Variants in MFSD11 observed in about 807,000 individuals in gnomAD.
MFSD11 encodes UNC93-like protein MFSD11.
Under a neutral mutation model 53.5 loss-of-function variants are expected in MFSD11, and 36 were observed. That is an observed-to-expected ratio of 0.67 (90% CI 0.52 to 0.89). The LOEUF (loss-of-function observed/expected upper bound fraction) is 0.89, where lower values mean the gene tolerates loss of function less well. MFSD11 is among the 40% of genes least tolerant of loss of function. The pLI, the probability that MFSD11 is intolerant of heterozygous loss-of-function variation, is 0.00. For synonymous variants in MFSD11, 186 were observed against 184.9 expected (o/e 1.01, Z -0.05); for missense variants, 530 against 543.9 (o/e 0.97, Z 0.25).
At chr17:76,739,139 A>G in intron 2 of MFSD11, 146 bp downstream of exon 2, 1 of 648,962 alleles carries the variant, frequency 1.5e-6, no homozygotes, top group South Asian at 1.9e-5. Flanking sequence ...AACATAATAG[A>G]ATAAAGCTGA....
chr17:76,741,101 A>G (rs367790758), intron 3 of MFSD11, 37 bp downstream of exon 3: 9 of 1,184,910 alleles, frequency 7.6e-6, no homozygotes, highest in Non-Finnish European at 1.1e-5. Flanking sequence ...TAATCAGAAC[A>G]CTTGTCAGGA....
chr17:76,773,588 G>A (rs539745141), intron 10 of MFSD11, among the ~76,000 whole-genome samples: 23 of 151,950 alleles, frequency 1.5e-4, no homozygotes, highest in Non-Finnish European at 2.9e-4. Flanking sequence ...GTTTTGTTTT[G>A]TTTTTACTGT....
the MFSD11 span, among the ~76,000 whole-genome samples, chr17:76,788,517 C>T: frequency 2.7e-5 from 4 of 148,970 alleles, no homozygotes; most frequent in East Asian, 8.0e-4. Flanking sequence ...AGGTGCCTGC[C>T]ACCACGCCCG....
Position 76,743,469 on chromosome 17 carries a change from C to A in MFSD11, c.496+13C>A. 1 of 1,539,976 alleles carries A rather than the reference C, an allele frequency of 6.5e-7. No homozygotes were observed. The highest frequency in any genetic ancestry group is 8.8e-7 in the Non-Finnish European group (1 of 1,136,952). ...ACTCAGATATCAGGTTTGTTTTATT[C>A]GCGTTGCTTTATTCAGATATGTTCA... On this transcript the variant is annotated intron_variant, in intron 6 of 12. Coordinates refer to ENST00000685175, the MANE Select transcript of MFSD11 (RefSeq NM_001242532.5).
At position 76,741,980 on chromosome 17, in the gene MFSD11, C is replaced by G; in HGVS notation, c.272C>G (p.Ala91Gly). 3.1e-6 allele frequency: 5 copies of G among 1,614,072 alleles called. No homozygotes were observed. The highest frequency in any genetic ancestry group is 4.2e-6 in the Non-Finnish European group (5 of 1,179,990). ...CTGTTATATTTTAGCATGTACATTGCCGTTTTCATCCAGCCTTTCCCGTGG... is the reference window on the plus strand; with the variant it reads ...CTGTTATATTTTAGCATGTACATTGGCGTTTTCATCCAGCCTTTCCCGTGG... ...ASGLFYSMYI[A>G]VFIQPFPWSF... The change falls in exon 4 of 13, where the codon GCC becomes GGC. Residue 91 changes from alanine to glycine, a missense_variant. Transcript: ENST00000685175.
intron 8 of MFSD11, among the ~76,000 whole-genome samples, chr17:76,760,206 G>A (rs990042895): frequency 1.3e-5 from 2 of 151,282 alleles, no homozygotes; most frequent in Non-Finnish European, 2.9e-5. Flanking sequence ...GGTGGGGGTG[G>A]TGGCGGGGCA....
At chr17:76,739,042 T>A in intron 2 of MFSD11, 49 bp downstream of exon 2, 1 of 1,407,484 alleles carries the variant, frequency 7.1e-7, no homozygotes, top group Non-Finnish European at 1.0e-6. Context: ...AGTAGTTGCT[T>A]AAATCTCATC....
At chr17:76,747,877 C>T (rs1039239024) in intron 7 of MFSD11, 1 of 152,196 alleles carries the variant, frequency 6.6e-6, no homozygotes, top group African/African-American at 2.4e-5. Context: ...GTAGCATTCT[C>T]TCTTCCTGAA....
At chr17:76,782,349 A>G (rs2082185072), downstream of MFSD11, among the ~76,000 whole-genome samples, 1 of 148,762 alleles carries the variant, frequency 6.7e-6, no homozygotes, top group East Asian at 2.0e-4. Context: ...CTAATTTTGT[A>G]TTTATAATAG....
chr17:76,769,738 A>G lies in MFSD11; in HGVS notation c.749-8A>G, dbSNP rs755352801. On this transcript the variant is annotated splice_polypyrimidine_tract_variant and splice_region_variant and intron_variant, in intron 9 of 12. Coordinates refer to ENST00000685175, the MANE Select transcript of MFSD11 (RefSeq NM_001242532.5). ...TAAATGACATCTGTTTTTTTTCTTTAACTAAAGGTCTGGAATTAACTTTCT... is the reference window on the plus strand; with the variant it reads ...TAAATGACATCTGTTTTTTTTCTTTGACTAAAGGTCTGGAATTAACTTTCT... The G allele has an allele frequency of 1.3e-6, 2 of 1,578,936 alleles. No individual in the cohort carries two copies. The highest frequency in any genetic ancestry group is 1.7e-6 in the Non-Finnish European group (2 of 1,166,632).
chr17:76,741,189 T>C (rs541094525), intron 3 of MFSD11, 125 bp downstream of exon 3: 27 of 671,860 alleles, frequency 4.0e-5, no homozygotes, highest in Non-Finnish European at 3.9e-5. Context: ...TTTACGAATT[T>C]TGGCTCAGTA....
Position 76,754,075 on chromosome 17 carries a change from G to T in MFSD11, c.670G>T (p.Val224Leu), listed in dbSNP as rs368030502. 5.0e-6 allele frequency: 8 copies of T among 1,613,070 alleles called. No individual in the cohort carries two copies. The South Asian group carries it at 8.8e-5, about 18-fold the overall frequency. Residue 224 changes from valine (V) to leucine (L), a missense_variant, in exon 8 of 13, where the codon GTA becomes TTA. Val to Leu is a conservative substitution (Grantham distance 32). Coordinates refer to ENST00000685175, the MANE Select transcript of MFSD11 (RefSeq NM_001242532.5). ...TGCCCAGAACAATCTGACAAAGGCA[G>T]TAGATGCTTTTAGTAAGTATTTTCT... ...ESAQNNLTKA[V>L]DAFKKSFKLC... is the part of the protein sequence containing the mutation.
intron 10 of MFSD11, among the ~76,000 whole-genome samples, chr17:76,771,656 AG>A (rs1283502574): frequency 7.2e-5 from 11 of 152,246 alleles, no homozygotes; most frequent in African/African-American, 2.7e-4. Flanking sequence ...GAGCAGGACA[AG>A]GTCTATATTG....
chr17:76,797,339 C>A, the MFSD11 span, among the ~76,000 whole-genome samples: 1 of 152,052 alleles, frequency 6.6e-6, no homozygotes, highest in Non-Finnish European at 1.5e-5. Flanking sequence ...AGCGAGCAAG[C>A]CCCAGAACTG....
At chr17:76,793,418 C>T in the MFSD11 span, among the ~76,000 whole-genome samples, 4 of 151,432 alleles carry the variant, frequency 2.6e-5, no homozygotes, top group African/African-American at 7.4e-5. Context: ...CTGTTCCGCC[C>T]GGCTCACCAG....
chr17:76,739,148 G>A (rs1240333813), intron 2 of MFSD11, among the ~76,000 whole-genome samples, 155 bp downstream of exon 2: 1 of 152,230 alleles, frequency 6.6e-6, no homozygotes, highest in African/African-American at 2.4e-5. Flanking sequence ...GAATAAAGCT[G>A]ATGAGTTTAG....
At chr17:76,777,600 CTTGTA>C (rs1296533251) in intron 12 of MFSD11, among the ~76,000 whole-genome samples, 1 of 148,184 alleles carries the variant, frequency 6.7e-6, no homozygotes, top group Non-Finnish European at 1.5e-5. Flanking sequence ...TTGCTTTTGT[CTTGTA>C]TTGTGTTTTT....
intron 10 of MFSD11, among the ~76,000 whole-genome samples, chr17:76,774,419 G>A (rs576686565): frequency 6.6e-6 from 1 of 152,232 alleles, no homozygotes; most frequent in East Asian, 1.9e-4. Context: ...AGGTTTGCTG[G>A]TATCGATTTC....
intron 8 of MFSD11, among the ~76,000 whole-genome samples, chr17:76,766,327 G>A (rs1296278536): frequency 6.6e-6 from 1 of 150,566 alleles, no homozygotes; most frequent in African/African-American, 2.4e-5. Context: ...GCTGAGGCAG[G>A]AGAATCGCTT....
Sources: gnomAD v4.1 joint callset for allele counts (sites outside exome capture counted in the v4.1 genomes callset) on GRCh38, gnomAD v4.1.1 for gene constraint, MANE v1.5 for transcripts, NCBI Gene and HGNC (gene_info 2026-07-23, HGNC 2026-07-21) for gene names.